ABI3BP: variants seen among roughly 807,000 people sequenced by gnomAD.
The protein encoded by ABI3BP is ABI family member 3 binding protein.
In ABI3BP, 216 loss-of-function variants were observed where a neutral mutation model predicts 268.6. That is an observed-to-expected ratio of 0.80 (90% CI 0.72 to 0.90). The LOEUF (loss-of-function observed/expected upper bound fraction) is 0.90, where lower values mean the gene tolerates loss of function less well. ABI3BP is among the 40% of genes least tolerant of loss of function. The pLI is 0.00. For synonymous variants in ABI3BP, 730 were observed against 730.0 expected, an observed-to-expected ratio of 1.00 and a Z score of 0.00; for missense variants, 2,090 against 2,182.4, an observed-to-expected ratio of 0.96 and a Z score of 0.84.
chr3:100,841,194 C>CTTTTTTTTTTTTTTTTTT lies in ABI3BP; in HGVS notation c.1766-354_1766-337dup, dbSNP rs60261694. ...AATTGGCTAAGATGGCATTAGAACA[C>CTTTTTTTTTTTTTTTTTT]TTTTTTTTTTTTTTTTTTTTTTTTT... On this transcript the variant is annotated intron_variant, in intron 21 of 67. Coordinates refer to ENST00000471714, the MANE Select transcript of ABI3BP (RefSeq NM_001375547.2). Among the ~76,000 whole-genome samples, 26 of 39,628 alleles carry CTTTTTTTTTTTTTTTTTT rather than the reference C, an allele frequency of 6.6e-4. 3 individuals carry two copies. The highest frequency in any genetic ancestry group is 2.5e-3 in the South Asian group (2 of 790). The allele number at this position is 39,628 out of a possible 152,430, so 26.0% of individuals were successfully genotyped here. A position where few individuals can be genotyped will look rare whatever the true frequency, so the allele number is the denominator to read the frequency against.
At chr3:100,883,735 A>C (rs1476792077) in intron 6 of ABI3BP, among the ~76,000 whole-genome samples, 1 of 152,090 alleles carries the variant, frequency 6.6e-6, no homozygotes, top group Non-Finnish European at 1.5e-5. Flanking sequence ...AGTATTAGGA[A>C]GGCTTAAAAA....
intron 2 of ABI3BP, chr3:100,912,123 G>C: frequency 1.8e-6 from 1 of 548,680 alleles, no homozygotes; most frequent in South Asian, 2.0e-5. Context: ...TGCTGGGGTT[G>C]TGTAAGGCAA....
intron 34 of ABI3BP, among the ~76,000 whole-genome samples, chr3:100,827,033 A>G (rs1475799213): frequency 6.6e-6 from 1 of 152,004 alleles, no homozygotes; most frequent in Non-Finnish European, 1.5e-5. Flanking sequence ...TTACCTTCCT[A>G]TTTGTGCAAA....
intron 62 of ABI3BP, among the ~76,000 whole-genome samples, chr3:100,766,878 A>G (rs181539004): frequency 2.0e-5 from 3 of 152,346 alleles, no homozygotes; most frequent in Admixed American, 2.0e-4. Flanking sequence ...AAAGGCTGCC[A>G]AAGATCTGGC....
chr3:100,800,985 G>A (rs2097520163), intron 51 of ABI3BP, among the ~76,000 whole-genome samples: 1 of 152,096 alleles, frequency 6.6e-6, no homozygotes, highest in African/African-American at 2.4e-5. Context: ...TATAGTTATT[G>A]ATATTATTCC....
intron 65 of ABI3BP, among the ~76,000 whole-genome samples, chr3:100,753,394 T>A (rs756710507): frequency 9.2e-5 from 14 of 151,882 alleles, no homozygotes; most frequent in Non-Finnish European, 1.8e-4. Context: ...CAAGTGAACA[T>A]CCCACCTCAG....
At chr3:100,783,029 T>G (rs1003761388) in intron 57 of ABI3BP, among the ~76,000 whole-genome samples, 1 of 152,216 alleles carries the variant, frequency 6.6e-6, no homozygotes, top group African/African-American at 2.4e-5. Context: ...CAGCAATTTA[T>G]CATCCAAAAT....
At chr3:100,884,151 T>C (rs569529693) in intron 6 of ABI3BP, among the ~76,000 whole-genome samples, 1 of 152,172 alleles carries the variant, frequency 6.6e-6, no homozygotes, top group South Asian at 2.1e-4. Context: ...TTATAAGTAG[T>C]TTTGTTATAG....
At chr3:100,775,647 C>G (rs2096678243) in intron 59 of ABI3BP, among the ~76,000 whole-genome samples, 1 of 152,014 alleles carries the variant, frequency 6.6e-6, no homozygotes, top group Admixed American at 6.5e-5. Flanking sequence ...GAAATGCCTT[C>G]ACAGAGGATG....
rs1287199288 is a variant in ABI3BP, at chr3:100,770,822, G to A, written c.4662C>T (p.Asn1554=). Residue 1554 remains asparagine, a synonymous_variant, in exon 62 of 68, where the codon AAC becomes AAT. Transcript: ENST00000471714. Reference sequence around the variant, plus strand: ...ACCCTTCCACGGTGACCACAGTGAGGTTGGTGGGTGGGTTCTGTGGTGGGC... The same window carrying A: ...ACCCTTCCACGGTGACCACAGTGAGATTGGTGGGTGGGTTCTGTGGTGGGC... The part of the protein sequence containing the change: ...ATSPPQNPPT[N]LTVVTVEGCP... 6.3e-7 allele frequency: 1 copy of A among 1,598,806 alleles called. No homozygotes were observed. Among genetic ancestry groups the A allele is most frequent in the South Asian group, 1.1e-5 (1 of 87,268 alleles).
At chr3:100,990,057 T>C (rs1232585645) in intron 1 of ABI3BP, among the ~76,000 whole-genome samples, 1 of 152,188 alleles carries the variant, frequency 6.6e-6, no homozygotes, top group African/African-American at 2.4e-5. Flanking sequence ...CAGACAATGG[T>C]CAGGCTAGAA....
intron 50 of ABI3BP, among the ~76,000 whole-genome samples, chr3:100,807,818 A>G (rs1236244854): frequency 1.3e-5 from 2 of 152,172 alleles, no homozygotes; most frequent in African/African-American, 4.8e-5. Context: ...GATGATTGGC[A>G]GAAGGAAGCA....
chr3:100,781,886 G>A (rs1013938232), intron 57 of ABI3BP, among the ~76,000 whole-genome samples: 4 of 152,136 alleles, frequency 2.6e-5, no homozygotes, highest in Non-Finnish European at 4.4e-5. Flanking sequence ...GAAAATCCAA[G>A]GCAAGGGGAG....
intron 23 of ABI3BP, 90 bp downstream of exon 23, chr3:100,839,982 T>C: frequency 9.1e-7 from 1 of 1,104,654 alleles, no homozygotes; most frequent in Non-Finnish European, 1.3e-6. Context: ...CACTGGTTCC[T>C]AAAGCCCAGT....
chr3:100,853,414 AG>A (rs1190501153), intron 14 of ABI3BP, among the ~76,000 whole-genome samples: 1 of 152,222 alleles, frequency 6.6e-6, no homozygotes, highest in Non-Finnish European at 1.5e-5. Flanking sequence ...GCCAATTTCA[AG>A]TCATGGATCT....
chr3:100,833,339 T>C (rs1400405505), intron 29 of ABI3BP, among the ~76,000 whole-genome samples, 182 bp from the exon 30 acceptor site: 1 of 152,182 alleles, frequency 6.6e-6, no homozygotes, highest in Non-Finnish European at 1.5e-5. Flanking sequence ...GAAACAGATA[T>C]AACCTTAGCA....
chr3:100,775,200 T>G lies in ABI3BP; in HGVS notation c.4462+7A>C, dbSNP rs1423451929. ...AGTATCCAGTGAGAACTGATGGCCA[T>G]ACGAACCCAGTTCTTCTCCAGAGGC... On this transcript the variant is annotated splice_region_variant and intron_variant, in intron 60 of 67. Transcript: ENST00000471714. 3.1e-6 allele frequency: 5 copies of G among 1,612,302 alleles called. No homozygotes were observed. Among genetic ancestry groups the G allele is most frequent in the Non-Finnish European group, 4.2e-6 (5 of 1,179,218 alleles).
At chr3:100,760,643 T>A (rs950400192) in intron 63 of ABI3BP, among the ~76,000 whole-genome samples, 3 of 152,168 alleles carry the variant, frequency 2.0e-5, no homozygotes, top group African/African-American at 7.2e-5. Flanking sequence ...GGAGGAGACT[T>A]AAGAGAACGA....
At position 100,931,053 on chromosome 3, in the gene ABI3BP, A is replaced by T. The variant is rs545865786; in HGVS notation, c.80-4572T>A. The T allele has an allele frequency of 6.6e-5, 10 of 152,278 alleles. No homozygotes were observed. The South Asian group carries it at 1.0e-3, about 16-fold the overall frequency. The allele number at this position is 152,278 out of a possible 1,614,324, so 9.4% of individuals were successfully genotyped here. A position where few individuals can be genotyped will look rare whatever the true frequency, so the allele number is the denominator to read the frequency against. ...TGGCTTAACATATGCAAATTAATAA[A>T]TGTGATTCATCACATAAACAGAACT... On this transcript the variant is annotated intron_variant, in intron 1 of 67. Coordinates refer to ENST00000471714, the MANE Select transcript of ABI3BP (RefSeq NM_001375547.2).
Sources: gnomAD v4.1 joint callset for allele counts (sites outside exome capture counted in the v4.1 genomes callset) on GRCh38, gnomAD v4.1.1 for gene constraint, MANE v1.5 for transcripts, NCBI Gene and HGNC (gene_info 2026-07-23, HGNC 2026-07-21) for gene names.